Variants in RPS6KC1 observed in about 807,000 individuals in gnomAD.
RPS6KC1 encodes the protein inactive ribosomal protein S6 kinase delta-1.
RPS6KC1 carries 54 observed loss-of-function variants against 103.8 expected under a neutral mutation model. The observed-to-expected ratio is 0.52, with a 90% CI of 0.42 to 0.65. The LOEUF is 0.65. Among genes scored for constraint, RPS6KC1 ranks in the 30% least tolerant of loss-of-function variants. The pLI is 0.00. For synonymous variants in RPS6KC1, 439 were observed against 438.7 expected (o/e 1.00, Z -0.01); for missense variants, 1,151 against 1,253.8 (o/e 0.92, Z 1.24).
At chr1:213,120,154 A>G (rs910471362) in intron 5 of RPS6KC1, among the ~76,000 whole-genome samples, 2 of 152,190 alleles carry the variant, frequency 1.3e-5, no homozygotes, top group African/African-American at 2.4e-5. Context: ...TGACATCTAA[A>G]AGGAATATTG....
chr1:213,153,035 G>A (rs1279211514), intron 6 of RPS6KC1, among the ~76,000 whole-genome samples: 3 of 152,358 alleles, frequency 2.0e-5, no homozygotes, highest in Non-Finnish European at 2.9e-5. Flanking sequence ...GTTAGGGGCT[G>A]GAGACCGGCC....
chr1:213,394,375 A>T, the RPS6KC1 span, among the ~76,000 whole-genome samples: 1 of 152,152 alleles, frequency 6.6e-6, no homozygotes, highest in African/African-American at 2.4e-5. Context: ...TACTACAGAA[A>T]TTGGAAATGG....
chr1:213,424,565 C>G, the RPS6KC1 span, among the ~76,000 whole-genome samples: 2 of 152,262 alleles, frequency 1.3e-5, no homozygotes, highest in South Asian at 4.1e-4. Flanking sequence ...GGGCCTGGCC[C>G]AGGCCAGTGA....
chr1:213,171,842 T>C (rs1485593327), intron 7 of RPS6KC1, among the ~76,000 whole-genome samples: 2 of 152,166 alleles, frequency 1.3e-5, no homozygotes, highest in Non-Finnish European at 2.9e-5. Context: ...GTATTAGGGT[T>C]GGTAGATTGC....
chr1:213,498,789 T>C, the RPS6KC1 span, among the ~76,000 whole-genome samples: 3 of 143,548 alleles, frequency 2.1e-5, no homozygotes, highest in African/African-American at 5.2e-5. Context: ...TTTTTTTTTT[T>C]TTCTTTTTGA....
the RPS6KC1 span, among the ~76,000 whole-genome samples, chr1:213,776,326 A>G: frequency 6.6e-6 from 1 of 152,210 alleles, no homozygotes; most frequent in East Asian, 1.9e-4. Flanking sequence ...CTTATATAAT[A>G]AGACTTGAAA....
chr1:213,637,624 GT>G, the RPS6KC1 span, among the ~76,000 whole-genome samples: 1 of 152,136 alleles, frequency 6.6e-6, no homozygotes, highest in African/African-American at 2.4e-5. Context: ...GAAATGATAA[GT>G]TTATATTTAA....
At chr1:213,100,620 G>T (rs932603425) in intron 3 of RPS6KC1, among the ~76,000 whole-genome samples, 2 of 151,974 alleles carry the variant, frequency 1.3e-5, no homozygotes, top group African/African-American at 2.4e-5. Flanking sequence ...AATGTCTGTT[G>T]TGCCCATCTC....
the RPS6KC1 span, among the ~76,000 whole-genome samples, chr1:213,646,240 G>T: frequency 6.6e-6 from 1 of 152,168 alleles, no homozygotes; most frequent in Non-Finnish European, 1.5e-5. Context: ...CTAGTGTAGT[G>T]TGTTGTAACA....
the RPS6KC1 span, among the ~76,000 whole-genome samples, chr1:213,338,018 G>A: frequency 2.6e-5 from 4 of 152,198 alleles, no homozygotes; most frequent in Non-Finnish European, 5.9e-5. Context: ...GTATGGTTGA[G>A]AGTGTATGTG....
At chr1:213,413,341 C>A in the RPS6KC1 span, among the ~76,000 whole-genome samples, 1 of 152,134 alleles carries the variant, frequency 6.6e-6, no homozygotes, top group Admixed American at 6.5e-5. Flanking sequence ...CCTTAGTTGT[C>A]TATTGAGGCA....
At chr1:213,513,129 A>T in the RPS6KC1 span, among the ~76,000 whole-genome samples, 1 of 152,222 alleles carries the variant, frequency 6.6e-6, no homozygotes, top group African/African-American at 2.4e-5. Flanking sequence ...AGAGGAGGTC[A>T]GAGTGATGCA....
the RPS6KC1 span, among the ~76,000 whole-genome samples, chr1:213,735,597 C>T: frequency 6.6e-5 from 10 of 152,182 alleles, no homozygotes; most frequent in Non-Finnish European, 1.2e-4. Context: ...CACTCATTTC[C>T]ATTAGACCAA....
chr1:213,862,279 C>T, the RPS6KC1 span, among the ~76,000 whole-genome samples: 2 of 152,148 alleles, frequency 1.3e-5, no homozygotes, highest in African/African-American at 4.8e-5. Context: ...ATTTCTAAAA[C>T]CATGCAAGGA....
the RPS6KC1 span, among the ~76,000 whole-genome samples, chr1:213,654,174 A>T: frequency 1.3e-4 from 20 of 152,024 alleles, no homozygotes; most frequent in African/African-American, 4.8e-4. Flanking sequence ...TTTCTCTTTT[A>T]TGTTGCTCTC....
chr1:213,401,414 C>A, the RPS6KC1 span, among the ~76,000 whole-genome samples: 2 of 152,178 alleles, frequency 1.3e-5, no homozygotes, highest in Non-Finnish European at 2.9e-5. Flanking sequence ...CCACTGACAC[C>A]CAGATGTTTT....
chr1:213,482,705 C>T, the RPS6KC1 span, among the ~76,000 whole-genome samples: 1 of 151,590 alleles, frequency 6.6e-6, no homozygotes, highest in Admixed American at 6.6e-5. Flanking sequence ...TGCACCACCA[C>T]GCCCAGCTAA....
chr1:213,282,451 T>C, the RPS6KC1 span, among the ~76,000 whole-genome samples: 6 of 152,256 alleles, frequency 3.9e-5, no homozygotes, highest in African/African-American at 9.6e-5. Context: ...AAAATCCTGC[T>C]CCTCAGAGGC....
rs534863465 is a variant in RPS6KC1, at chr1:213,109,881, A to G, written c.378+5312A>G. On this transcript the variant is annotated intron_variant, in intron 4 of 14. Transcript: ENST00000366960. ...AGAGGGTGTGTATGTATGTACATAT[A>G]TTTATGTTTTTAAGGTTCATCCAGG... Among the ~76,000 whole-genome samples, 33 of 151,330 alleles carry G rather than the reference A, an allele frequency of 2.2e-4. 1 individual carries two copies. Among genetic ancestry groups the G allele is most frequent in the Admixed American group, 2.0e-3 (31 of 15,188 alleles).
Sources: gnomAD v4.1 joint callset for allele counts (sites outside exome capture counted in the v4.1 genomes callset) on GRCh38, gnomAD v4.1.1 for gene constraint, MANE v1.5 for transcripts, NCBI Gene and HGNC (gene_info 2026-07-23, HGNC 2026-07-21) for gene names.